Variants in POU2F3 observed in about 807,000 individuals in gnomAD.
The protein encoded by POU2F3 is POU domain, class 2, transcription factor 3.
In POU2F3, 23 loss-of-function variants were observed where a neutral mutation model predicts 59.2. That is an observed-to-expected ratio of 0.39 (90% CI 0.28 to 0.55). The LOEUF is 0.55. Ranked by LOEUF, POU2F3 falls within the 20% of genes least tolerant of loss-of-function variation. The probability of loss-of-function intolerance (pLI) is 0.66; values close to 1 mark genes in which losing one functional copy is unlikely to be tolerated. For synonymous variants in POU2F3, 190 were observed against 214.6 expected (o/e 0.89, Z 1.00); for missense variants, 473 against 544.5 (o/e 0.87, Z 1.31).
intron 3 of POU2F3, among the ~76,000 whole-genome samples, chr11:120,288,435 T>C (rs1940895518): frequency 6.6e-6 from 1 of 152,200 alleles, no homozygotes. Context: ...TCCACTTCTT[T>C]AGGAAGGATT....
Position 120,240,173 on chromosome 11 carries a change from CG to C in POU2F3, c.-168del. The C allele has an allele frequency of 1.6e-5, 19 of 1,218,702 alleles. No homozygotes were observed. The highest frequency in any genetic ancestry group is 1.8e-5 in the Non-Finnish European group (18 of 973,674). 75.5% of individuals were successfully genotyped at this position (1,218,702 alleles called of 1,614,324 possible). A position where few individuals can be genotyped will look rare whatever the true frequency, so the allele number is the denominator to read the frequency against. The stretch of plus-strand genomic sequence containing the variant: ...AATCCTGGCGGCGCCGAGTGTTGCC[CG>C]GGCCGGAGCAGCGGAGCGCGCGACA... On this transcript the variant is annotated 5_prime_UTR_variant, in exon 1 of 13. Transcript: ENST00000543440.
chr11:120,303,949 A>T (rs1941413372), intron 6 of POU2F3: 1 of 152,216 alleles, frequency 6.6e-6, no homozygotes. Context: ...GGAATGATAG[A>T]TGTCCTTAAG....
intron 3 of POU2F3, among the ~76,000 whole-genome samples, chr11:120,286,562 G>A (rs1591417216): frequency 1.3e-5 from 2 of 152,314 alleles, no homozygotes; most frequent in South Asian, 4.1e-4. Context: ...GAATAATGCA[G>A]TCCAGTACAG....
At chr11:120,305,613 C>T in intron 7 of POU2F3, 31 bp from the exon 8 acceptor site, 4 of 1,610,058 alleles carry the variant, frequency 2.5e-6, no homozygotes, top group Non-Finnish European at 3.4e-6. Flanking sequence ...GGCTGCCTCT[C>T]ATGTTCCTCC....
At chr11:120,246,667 A>G in intron 2 of POU2F3, 150 bp downstream of exon 2, 2 of 733,060 alleles carry the variant, frequency 2.7e-6, no homozygotes, top group South Asian at 1.8e-5. Context: ...CCCTGAGGAC[A>G]TGGGATATGA....
In POU2F3 at chr11:120,302,353, G is replaced by C. The variant is rs746020637; in HGVS notation, c.429G>C (p.Pro143=). 6.8e-6 allele frequency: 11 copies of C among 1,609,102 alleles called. No individual in the cohort carries two copies. Among genetic ancestry groups the C allele is most frequent in the Non-Finnish European group, 9.4e-6 (11 of 1,175,522 alleles). Residue 143 remains proline (P), a synonymous_variant, in exon 6 of 13, where the codon CCG becomes CCC. Coordinates refer to ENST00000543440, the MANE Select transcript of POU2F3 (RefSeq NM_014352.4). ...QSGLLLPQTG[P]GLASQAFGHP... Reference sequence around the variant, plus strand: ...GTCTCCTCCTCCCACAGACTGGGCCGGGACTGGCATCCCAGGTAAACAACC... The same window carrying C: ...GTCTCCTCCTCCCACAGACTGGGCCCGGACTGGCATCCCAGGTAAACAACC...
chr11:120,305,704 T>A lies in POU2F3; in HGVS notation c.688T>A (p.Ser230Thr). 6.2e-7 allele frequency: 1 copy of A among 1,613,922 alleles called. No homozygotes were observed. Among genetic ancestry groups the A allele is most frequent in the Non-Finnish European group, 8.5e-7 (1 of 1,180,028 alleles). ...CAACGACTTCAGCCAGACCACCATC[T>A]CACGATTTGAGGCCCTCAACCTGAG... ...YGNDFSQTTI[S>T]RFEALNLSFK... Residue 230 changes from serine (S) to threonine (T), a missense_variant, in exon 8 of 13, where the codon TCA becomes ACA. Transcript: ENST00000543440.
intron 3 of POU2F3, among the ~76,000 whole-genome samples, chr11:120,280,369 A>G (rs1035029669): frequency 6.6e-6 from 1 of 152,212 alleles, no homozygotes; most frequent in African/African-American, 2.4e-5. Context: ...ACCTGCTTAG[A>G]GCCAGAATTC....
At position 120,302,330 on chromosome 11, in the gene POU2F3, C is replaced by A. The variant is rs1171283896; in HGVS notation, c.406C>A (p.Leu136Ile). ...CCCCTTTCCACAGCAACAAAGCGGT[C>A]TCCTCCTCCCACAGACTGGGCCGGG... ...LLPFPQQQSG[L>I]LLPQTGPGLA... Residue 136 changes from leucine to isoleucine, a missense_variant, in exon 6 of 13, where the codon CTC (leucine) becomes ATC (isoleucine). Transcript: ENST00000543440. 1.9e-6 allele frequency: 3 copies of A among 1,612,984 alleles called. No individual in the cohort carries two copies. The highest frequency in any genetic ancestry group is 2.2e-5 in the South Asian group (2 of 91,016).
chr11:120,270,916 A>G (rs1940041449), intron 3 of POU2F3, among the ~76,000 whole-genome samples: 1 of 152,048 alleles, frequency 6.6e-6, no homozygotes, highest in Non-Finnish European at 1.5e-5. Context: ...CTGGTCTTGA[A>G]TTCCTGGGCT....
chr11:120,316,453 G>A (rs1941791079), intron 11 of POU2F3, among the ~76,000 whole-genome samples: 2 of 152,152 alleles, frequency 1.3e-5, no homozygotes, highest in Non-Finnish European at 2.9e-5. Flanking sequence ...TTTTGAGACA[G>A]CGTCTTGCTC....
rs1362507437 is a variant in POU2F3 at position 120,300,894 on chromosome 11, A to G, written c.361+1168A>G. ...CGCCCTTAGCACCTGCACAAATGAC[A>G]GTCACTATCCTTAGTTTCCAAGGCA... On this transcript the variant is annotated intron_variant, in intron 5 of 12. Coordinates refer to ENST00000543440, the MANE Select transcript of POU2F3 (RefSeq NM_014352.4). The G allele has an allele frequency of 1.1e-5, 4 of 362,384 alleles. No homozygotes were observed. The Admixed American group carries it at 1.4e-4, about 13-fold the overall frequency. The allele number at this position is 362,384 out of a possible 1,614,324, so 22.4% of individuals were successfully genotyped here.
chr11:120,260,795 C>A (rs1424370792), intron 2 of POU2F3, among the ~76,000 whole-genome samples: 1 of 152,160 alleles, frequency 6.6e-6, no homozygotes, highest in Non-Finnish European at 1.5e-5. Flanking sequence ...GAACCTCGCA[C>A]GGTGACTCAT....
chr11:120,300,186 G>A (rs961346406), intron 5 of POU2F3, among the ~76,000 whole-genome samples: 2 of 152,156 alleles, frequency 1.3e-5, no homozygotes, highest in Non-Finnish European at 2.9e-5. Context: ...GGGTGTTCAG[G>A]TTTTCTTTGG....
Position 120,267,809 on chromosome 11 carries a change from G to T in POU2F3, c.98-1401G>T, listed in dbSNP as rs11605950. 9.9e-3 allele frequency among the ~76,000 whole-genome samples: 592 copies of T among 60,058 alleles called. 4 individuals are homozygous for T. Among genetic ancestry groups the T allele is most frequent in the African/African-American group, 0.064 (561 of 8,720 alleles). 39.4% of individuals were successfully genotyped at this position (60,058 alleles called of 152,430 possible). A position where few individuals can be genotyped will look rare whatever the true frequency, so the allele number is the denominator to read the frequency against. ...TATAGATGCATATATATAGCATATT[G>T]TATATGCATATTAATATATATGCAT... On this transcript the variant is annotated intron_variant, in intron 2 of 12. Coordinates refer to ENST00000543440, the MANE Select transcript of POU2F3 (RefSeq NM_014352.4).
chr11:120,309,819 C>G (rs1276762381), intron 10 of POU2F3, among the ~76,000 whole-genome samples: 1 of 152,078 alleles, frequency 6.6e-6, no homozygotes, highest in Non-Finnish European at 1.5e-5. Flanking sequence ...GAACAGAGAC[C>G]TAGAGTTGTC....
chr11:120,281,941 A>T (rs536280988), intron 3 of POU2F3, among the ~76,000 whole-genome samples: 2 of 152,346 alleles, frequency 1.3e-5, no homozygotes, highest in South Asian at 2.1e-4. Flanking sequence ...TCTTGGACAC[A>T]GTAGACACTC....
At chr11:120,306,821 C>T (rs56765654) in intron 8 of POU2F3, among the ~76,000 whole-genome samples, 10,910 of 152,252 alleles carry the variant, frequency 0.072, 460 homozygotes, top group Admixed American at 0.12. Flanking sequence ...CAGGCTGTCC[C>T]TTAGACAGCC....
chr11:120,290,916 A>G (rs571458920), intron 3 of POU2F3, among the ~76,000 whole-genome samples: 5 of 152,360 alleles, frequency 3.3e-5, no homozygotes, highest in African/African-American at 9.6e-5. Context: ...AATACACACT[A>G]GGACAGAGAT....
Sources: gnomAD v4.1 joint callset for allele counts (sites outside exome capture counted in the v4.1 genomes callset) on GRCh38, gnomAD v4.1.1 for gene constraint, MANE v1.5 for transcripts, NCBI Gene and HGNC (gene_info 2026-07-23, HGNC 2026-07-21) for gene names.